Variants in PRKDC observed in about 807,000 individuals in gnomAD.
PRKDC encodes DNA-dependent protein kinase catalytic subunit.
PRKDC carries 82 observed loss-of-function variants against 486.9 expected under a neutral mutation model. The ratio of observed to expected loss-of-function variants is 0.17; its 90% CI spans 0.14 to 0.20. The LOEUF (loss-of-function observed/expected upper bound fraction) is 0.20. PRKDC is among the 10% of genes least tolerant of loss of function. The probability of loss-of-function intolerance (pLI) is 1.00; values close to 1 mark genes in which losing one functional copy is unlikely to be tolerated. For synonymous variants in PRKDC, 1,895 were observed against 1,837.0 expected (o/e 1.03, Z -0.81); for missense variants, 4,504 against 5,038.2 (o/e 0.89, Z 3.21).
chr8:47,798,145 T>C, intron 73 of PRKDC, 92 bp downstream of exon 73: 5 of 1,299,462 alleles, frequency 3.8e-6, no homozygotes, highest in Non-Finnish European at 5.3e-6. Flanking sequence ...CTATAATACA[T>C]GCACTGCACA....
intron 77 of PRKDC, 149 bp from the exon 78 acceptor site, chr8:47,783,958 A>T (rs536543830): frequency 1.1e-5 from 8 of 751,612 alleles, no homozygotes; most frequent in South Asian, 3.4e-5. Context: ...AACTGACTTT[A>T]AAAAAAATGT....
In PRKDC at chr8:47,933,982, T is replaced by C. The variant is rs1300063119; in HGVS notation, c.1606A>G (p.Ser536Gly). ...AATGTTACCATCATCTGGTCAGAGC[T>C]CAGGAGATGTCTGAAGAGATCCACG... is the stretch of plus-strand genomic sequence containing the variant. ...DYVDLFRHLLSSDQMMDSILA... is the reference protein window; with the variant it reads ...DYVDLFRHLLGSDQMMDSILA... Residue 536 changes from serine (S) to glycine (G), a missense_variant, in exon 15 of 86, where the codon AGC (serine) becomes GGC (glycine). Around this residue, in one of 6 missense-constraint regions of PRKDC, gnomAD observed 1,969 missense variants for 2,068.9 expected, o/e 0.95. Coordinates refer to ENST00000314191, the MANE Select transcript of PRKDC (RefSeq NM_006904.7). 3 of 1,612,756 alleles carry C rather than the reference T, an allele frequency of 1.9e-6. No homozygotes were observed. The highest frequency in any genetic ancestry group is 3.3e-5 in the Admixed American group (2 of 59,994).
rs8178031 is a variant in PRKDC, at chr8:47,933,418, C to A, written c.1624-246G>T. 4.0e-3 allele frequency among the ~76,000 whole-genome samples: 612 copies of A among 152,274 alleles called. 4 individuals are homozygous for A. Among genetic ancestry groups the A allele is most frequent in the South Asian group, 0.025 (119 of 4,822 alleles). On this transcript the variant is annotated intron_variant, in intron 15 of 85. Transcript: ENST00000314191. ...ATGTAACAAATACTTACTCTGTATACAGCAGTAAGTGAGAAGATTTAGGCC... is the reference window on the plus strand; with the variant it reads ...ATGTAACAAATACTTACTCTGTATAAAGCAGTAAGTGAGAAGATTTAGGCC...
rs1318685876 is a variant in PRKDC at position 47,930,657 on chromosome 8, A to G, written c.1892+15T>C. 3.2e-6 allele frequency: 5 copies of G among 1,543,540 alleles called. No individual in the cohort carries two copies. The highest frequency in any genetic ancestry group is 4.4e-6 in the Non-Finnish European group (5 of 1,142,362). On this transcript the variant is annotated intron_variant, in intron 17 of 85. Transcript: ENST00000314191. ...ATCATTTTCATTCTTAAATAATTAG[A>G]ATTTTACCAAATACCTGCAAAATTC... is the stretch of plus-strand genomic sequence containing the variant.
chr8:47,957,307 T>A, intron 2 of PRKDC, 44 bp from the exon 3 acceptor site: 2 of 1,580,040 alleles, frequency 1.3e-6, no homozygotes, highest in Non-Finnish European at 1.7e-6. Flanking sequence ...GTAAGAGGAG[T>A]CACTCCAGGA....
chr8:47,899,205 C>T (rs1012257804), intron 28 of PRKDC, among the ~76,000 whole-genome samples: 2 of 152,178 alleles, frequency 1.3e-5, no homozygotes, highest in Non-Finnish European at 2.9e-5. Context: ...AAAAGTTTCA[C>T]TCGTTGAAAA....
chr8:47,907,743 C>T (rs140704062), intron 25 of PRKDC, among the ~76,000 whole-genome samples: 136 of 151,900 alleles, frequency 9.0e-4, no homozygotes, highest in African/African-American at 3.2e-3. Context: ...CCATGTTGGC[C>T]GGGCTGGTCT....
intron 31 of PRKDC, among the ~76,000 whole-genome samples, chr8:47,891,151 C>A (rs1398031207): frequency 6.6e-6 from 1 of 152,170 alleles, no homozygotes; most frequent in African/African-American, 2.4e-5. Context: ...GAAAGACAGA[C>A]CCACCCTCAC....
intron 55 of PRKDC, among the ~76,000 whole-genome samples, chr8:47,839,631 C>T (rs570605909): frequency 6.6e-6 from 1 of 152,164 alleles, no homozygotes; most frequent in Non-Finnish European, 1.5e-5. Flanking sequence ...GATTTTTTCA[C>T]ACACATATGT....
intron 16 of PRKDC, 131 bp from the exon 17 acceptor site, chr8:47,930,918 A>G: frequency 2.4e-6 from 2 of 824,140 alleles, no homozygotes; most frequent in East Asian, 2.8e-5. Context: ...AGAAAGACCA[A>G]GATGGGTGCT....
At chr8:47,862,041 A>T in intron 44 of PRKDC, 21 bp downstream of exon 44, 1 of 1,528,400 alleles carries the variant, frequency 6.5e-7, no homozygotes, top group Non-Finnish European at 8.8e-7. Context: ...AGTTTTTTTT[A>T]ACATTGAAAA....
rs1306435146 is a variant in PRKDC at position 47,857,062 on chromosome 8, C to T, written c.6609+94G>A. ...GCAACAAATGCTGAAAACCATAGCA[C>T]AGTCAGTGAGAGGGACCTGAATTAT... is the stretch of plus-strand genomic sequence containing the variant. On this transcript the variant is annotated intron_variant, in intron 49 of 85. Coordinates refer to ENST00000314191, the MANE Select transcript of PRKDC (RefSeq NM_006904.7). 3.8e-6 allele frequency: 5 copies of T among 1,321,500 alleles called. No individual in the cohort carries two copies. The Admixed American group carries it at 8.9e-5, about 24-fold the overall frequency. The allele number at this position is 1,321,500 out of a possible 1,614,324, so 81.9% of individuals were successfully genotyped here.
At chr8:47,897,020 C>T in intron 30 of PRKDC, 141 bp downstream of exon 30, 3 of 942,628 alleles carry the variant, frequency 3.2e-6, no homozygotes, top group East Asian at 2.5e-5. Context: ...ACTGCATTAC[C>T]TCATCAACTG....
Position 47,953,650 on chromosome 8 carries a change from G to A in PRKDC, c.691C>T (p.Leu231=). The change falls in exon 7 of 86, where the codon CTG becomes TTG. Residue 231 remains leucine (L), a synonymous_variant. Transcript: ENST00000314191. ...TCCATGGACTTAGTGAAGTTGCACA[G>A]AAGTGAGGACAACCCCTTCAGACAT... ...AGCLKGLSSL[L]CNFTKSMEED... 1 of 1,613,584 alleles carries A rather than the reference G, an allele frequency of 6.2e-7. No homozygotes were observed. Among genetic ancestry groups the A allele is most frequent in the Non-Finnish European group, 8.5e-7 (1 of 1,179,732 alleles).
At chr8:47,783,855 C>T (rs766918965) in intron 77 of PRKDC, 46 bp from the exon 78 acceptor site, 26 of 1,573,386 alleles carry the variant, frequency 1.7e-5, no homozygotes, top group South Asian at 1.1e-4. Context: ...GTTAGACAAC[C>T]GCCTGTATTT....
intron 49 of PRKDC, among the ~76,000 whole-genome samples, chr8:47,855,933 T>G (rs1323786400): frequency 6.6e-6 from 1 of 152,096 alleles, no homozygotes; most frequent in Non-Finnish European, 1.5e-5. Flanking sequence ...CCAGAGTGAG[T>G]AAAAGCTTCA....
At chr8:47,854,019 T>C (rs1157969212) in intron 51 of PRKDC, 64 bp downstream of exon 51, 17 of 1,578,992 alleles carry the variant, frequency 1.1e-5, no homozygotes, top group African/African-American at 1.4e-5. Flanking sequence ...AACTGCACCA[T>C]ACTGAAGTCT....
chr8:47,920,952 T>A (rs1402971325), intron 21 of PRKDC, among the ~76,000 whole-genome samples: 2 of 152,050 alleles, frequency 1.3e-5, no homozygotes, highest in African/African-American at 4.8e-5. Flanking sequence ...CATACAACTT[T>A]TAAGATTATG....
At chr8:47,853,497 T>C (rs567958616) in intron 51 of PRKDC, among the ~76,000 whole-genome samples, 44 of 152,206 alleles carry the variant, frequency 2.9e-4, no homozygotes, top group Non-Finnish European at 5.1e-4. Flanking sequence ...GACAAAGATG[T>C]CCTGCTCCTT....
Sources: gnomAD v4.1 joint callset for allele counts (sites outside exome capture counted in the v4.1 genomes callset) on GRCh38, gnomAD v4.1.1 for gene constraint, gnomAD v4.1.1 regional missense constraint, MANE v1.5 for transcripts, NCBI Gene and HGNC (gene_info 2026-07-23, HGNC 2026-07-21) for gene names.